The following PRKG1 variants were observed in gnomAD, a reference collection of about 807,000 sequenced individuals.
The protein encoded by PRKG1 is protein kinase cGMP-dependent 1.
In PRKG1, 35 loss-of-function variants were observed where a neutral mutation model predicts 88.1. The ratio of observed to expected loss-of-function variants is 0.40; its 90% CI spans 0.30 to 0.53. PRKG1 has a LOEUF of 0.53. PRKG1 is among the 20% of genes least tolerant of loss of function. PRKG1 has a pLI of 0.59. For missense variants in PRKG1, 540 were observed against 839.8 expected, an observed-to-expected ratio of 0.64 and a Z score of 4.41; for synonymous variants, 303 against 292.5, an observed-to-expected ratio of 1.04 and a Z score of -0.37.
At chr10:51,234,552 A>T (rs1283928987) in intron 2 of PRKG1, among the ~76,000 whole-genome samples, 2 of 152,184 alleles carry the variant, frequency 1.3e-5, no homozygotes, top group African/African-American at 4.8e-5. Flanking sequence ...AACAGGATTT[A>T]TCTCTGCTTC....
chr10:51,340,706 A>C (rs1841985732), intron 2 of PRKG1, among the ~76,000 whole-genome samples: 2 of 152,166 alleles, frequency 1.3e-5, no homozygotes. Context: ...CACCTAACTT[A>C]ATGCATTCAG....
At chr10:51,235,992 GTCCCGC>G (rs1838977502) in intron 2 of PRKG1, among the ~76,000 whole-genome samples, 1 of 152,300 alleles carries the variant, frequency 6.6e-6, no homozygotes, top group Non-Finnish European at 1.5e-5. Context: ...CAGATTGCTG[GTCCCGC>G]CCTTAGAGTT....
At chr10:51,032,890 A>G (rs1351491535) in intron 1 of PRKG1, among the ~76,000 whole-genome samples, 4 of 152,044 alleles carry the variant, frequency 2.6e-5, no homozygotes, top group Admixed American at 6.6e-5. Context: ...TAGTAGATGT[A>G]TATATTTTGG....
intron 5 of PRKG1, among the ~76,000 whole-genome samples, chr10:52,002,608 C>G (rs1260192608): frequency 6.6e-6 from 1 of 152,144 alleles, no homozygotes; most frequent in East Asian, 1.9e-4. Context: ...GAATCTATCC[C>G]TGAGTTTTTA....
chr10:51,371,937 G>A (rs1189326), intron 2 of PRKG1, among the ~76,000 whole-genome samples: 61,264 of 152,042 alleles, frequency 0.4, 12,699 homozygotes, highest in African/African-American at 0.49. Flanking sequence ...TCAGGGTGAT[G>A]GTACAGCCAG....
intron 3 of PRKG1, chr10:51,697,598 C>A (rs1841332327): frequency 7.0e-6 from 8 of 1,141,986 alleles, no homozygotes; most frequent in Non-Finnish European, 7.6e-6. Context: ...AGGAGGGAAA[C>A]CCTAATCCAA....
intron 5 of PRKG1, among the ~76,000 whole-genome samples, chr10:51,988,803 C>T (rs996139971): frequency 5.3e-5 from 8 of 151,880 alleles, no homozygotes; most frequent in Non-Finnish European, 1.2e-4. Flanking sequence ...CTCTTTATAG[C>T]TTGTCTGTTT....
At chr10:52,156,299 C>A (rs72803147) in intron 8 of PRKG1, among the ~76,000 whole-genome samples, 8,427 of 151,976 alleles carry the variant, frequency 0.055, 362 homozygotes, top group Non-Finnish European at 0.082. Context: ...TTTTTATGCA[C>A]GCTATAGCCT....
At chr10:51,948,444 T>G (rs1843105270) in intron 5 of PRKG1, among the ~76,000 whole-genome samples, 1 of 152,022 alleles carries the variant, frequency 6.6e-6, no homozygotes, top group African/African-American at 2.4e-5. Flanking sequence ...GGATAGAAAA[T>G]ATTAAAAATA....
rs146177171 is a variant in PRKG1 at position 51,284,440 on chromosome 10, G to T, written c.478+131110G>T. Among the ~76,000 whole-genome samples, 32 of 152,250 alleles carry T rather than the reference G, an allele frequency of 2.1e-4. No homozygotes were observed. In the South Asian group the frequency reaches 3.5e-3, roughly 17 times the overall value. On this transcript the variant is annotated intron_variant, in intron 2 of 17. Transcript: ENST00000373980. ...ATGGCCCAAGCTAAAACTCAGGGCC[G>T]ATTTTCCTCTACGTTACACTGATTT...
chr10:51,670,219 A>G (rs1252864466), intron 3 of PRKG1, among the ~76,000 whole-genome samples: 2 of 152,040 alleles, frequency 1.3e-5, no homozygotes, highest in African/African-American at 2.4e-5. Flanking sequence ...TTTTTTATCC[A>G]AATTTACCAC....
chr10:51,560,348 G>C (rs1837426539), intron 3 of PRKG1, among the ~76,000 whole-genome samples: 1 of 152,064 alleles, frequency 6.6e-6, no homozygotes, highest in South Asian at 2.1e-4. Context: ...CTAATTTCTA[G>C]AACATGTAAG....
At chr10:51,062,359 G>T (rs1843702205) in intron 1 of PRKG1, among the ~76,000 whole-genome samples, 1 of 152,150 alleles carries the variant, frequency 6.6e-6, no homozygotes, top group African/African-American at 2.4e-5. Context: ...AGTATTTTGT[G>T]ATTGGTGAAT....
At chr10:51,463,131 A>G (rs77705383) in intron 2 of PRKG1, among the ~76,000 whole-genome samples, 49 of 152,322 alleles carry the variant, frequency 3.2e-4, no homozygotes, top group Non-Finnish European at 6.3e-4. Context: ...GAAATCTAAC[A>G]TATTTGAAAC....
chr10:51,979,686 G>T (rs1367226190), intron 5 of PRKG1, among the ~76,000 whole-genome samples: 5 of 141,244 alleles, frequency 3.5e-5, no homozygotes, highest in Admixed American at 2.2e-4. Flanking sequence ...TTATTGGTCT[G>T]ATCAGGGATT....
intron 1 of PRKG1, among the ~76,000 whole-genome samples, chr10:51,075,648 T>C (rs1446189667): frequency 6.6e-6 from 1 of 152,182 alleles, no homozygotes; most frequent in African/African-American, 2.4e-5. Context: ...GTTTCCAGGG[T>C]CAGATACAGA....
chr10:51,322,146 T>C (rs1313005100), intron 2 of PRKG1, among the ~76,000 whole-genome samples: 1 of 152,236 alleles, frequency 6.6e-6, no homozygotes, highest in East Asian at 1.9e-4. Flanking sequence ...AATTCTTATC[T>C]GGAGATGATC....
At chr10:51,694,033 G>A (rs1841218372) in intron 3 of PRKG1, among the ~76,000 whole-genome samples, 1 of 152,010 alleles carries the variant, frequency 6.6e-6, no homozygotes, top group African/African-American at 2.4e-5. Context: ...TATTAATGAT[G>A]TCCGTAATAT....
intron 2 of PRKG1, among the ~76,000 whole-genome samples, chr10:51,452,764 T>C (rs1341751918): frequency 6.6e-6 from 1 of 151,960 alleles, no homozygotes; most frequent in African/African-American, 2.4e-5. Context: ...GTTTTAATTA[T>C]GTCCCTTCTT....
Sources: allele counts gnomAD v4.1 joint callset (sites outside exome capture counted in the v4.1 genomes callset), GRCh38; gene constraint gnomAD v4.1.1; transcripts MANE v1.5; gene names NCBI Gene and HGNC (gene_info 2026-07-23, HGNC 2026-07-21).